The following ANKRD31 variants were observed in gnomAD, a reference collection of about 807,000 sequenced individuals.
ANKRD31 encodes ankyrin repeat domain-containing protein 31.
A neutral mutation model predicts 186.0 loss-of-function variants in ANKRD31; 147 were observed. The observed-to-expected ratio is 0.79, with a 90% CI of 0.69 to 0.91. The LOEUF (loss-of-function observed/expected upper bound fraction) is 0.91, where lower values mean the gene tolerates loss of function less well. Ranked by LOEUF, ANKRD31 falls within the 40% of genes least tolerant of loss-of-function variation. ANKRD31 has a pLI of 0.00. For synonymous variants in ANKRD31, 673 were observed against 736.4 expected (o/e 0.91, Z 1.39); for missense variants, 1,986 against 2,148.8 (o/e 0.92, Z 1.50).
At chr5:75,220,770 T>C (rs1757247004) in intron 3 of ANKRD31, among the ~76,000 whole-genome samples, 1 of 152,052 alleles carries the variant, frequency 6.6e-6, no homozygotes, top group East Asian at 1.9e-4. Context: ...ATCAATGAGA[T>C]ACCAGCTCAC....
chr5:75,093,822 A>G (rs1746118279), intron 22 of ANKRD31, among the ~76,000 whole-genome samples: 1 of 152,190 alleles, frequency 6.6e-6, no homozygotes, highest in African/African-American at 2.4e-5. Flanking sequence ...AAGGCAAAAT[A>G]AAGACATTCC....
At chr5:75,131,939 G>A (rs1218317978) in intron 17 of ANKRD31, among the ~76,000 whole-genome samples, 1 of 152,214 alleles carries the variant, frequency 6.6e-6, no homozygotes, top group Non-Finnish European at 1.5e-5. Flanking sequence ...CAGGCCTGCA[G>A]CTGAGGGTCC....
At position 75,147,423 on chromosome 5, in the gene ANKRD31, A is replaced by T; in HGVS notation, c.1988T>A (p.Val663Asp). ...SNRQKLEHVKVNKGSKASLFI... is the reference protein window; with the variant it reads ...SNRQKLEHVKDNKGSKASLFI... ...TAAACTCGCTTTGCTTCCTTTATTG[A>T]CTTTTACATGTTCCAGCTTCTGTCT... The change falls in exon 14 of 26, where the codon GTC (valine) becomes GAC (aspartate). Residue 663 changes from valine (V) to aspartate (D), a missense_variant. Transcript: ENST00000506364. 6 of 1,518,834 alleles carry T rather than the reference A, an allele frequency of 4.0e-6. No homozygotes were observed. The highest frequency in any genetic ancestry group is 5.3e-6 in the Non-Finnish European group (6 of 1,140,460). 94.1% of individuals were successfully genotyped at this position (1,518,834 alleles called of 1,614,324 possible).
chr5:75,209,458 C>CTTGAGGCCAGGAGT (rs2150284021), intron 4 of ANKRD31, among the ~76,000 whole-genome samples: 1 of 127,246 alleles, frequency 7.9e-6, no homozygotes, highest in Admixed American at 8.1e-5. Context: ...AGGTGGATCA[C>CTTGAGGCCAGGAGT]TTGAGGCCAG....
At chr5:75,084,552 T>C (rs1405612606) in intron 23 of ANKRD31, among the ~76,000 whole-genome samples, 178 bp from the exon 24 acceptor site, 1 of 152,238 alleles carries the variant, frequency 6.6e-6, no homozygotes, top group Admixed American at 6.5e-5. Flanking sequence ...AATGTTTTAT[T>C]GGAAAACAGT....
At position 75,193,338 on chromosome 5, in the gene ANKRD31, T is replaced by C; in HGVS notation, c.1271A>G (p.Asn424Ser). 1 of 1,536,722 alleles carries C rather than the reference T, an allele frequency of 6.5e-7. No individual in the cohort carries two copies. The highest frequency in any genetic ancestry group is 8.7e-7 in the Non-Finnish European group (1 of 1,146,620). Reference protein sequence around the residue: ...PKILGCEDLTNNNSSAQNFRM... With the variant: ...PKILGCEDLTSNNSSAQNFRM... ...GAAATTCTGAGCTGAAGAGTTATTATTTGTTAGGTCCTCACAGCCAAGGAT... is the reference window on the plus strand; with the variant it reads ...GAAATTCTGAGCTGAAGAGTTATTACTTGTTAGGTCCTCACAGCCAAGGAT... The change falls in exon 8 of 26, where the codon AAT becomes AGT. Residue 424 changes from asparagine to serine, a missense_variant. Asn to Ser is a conservative substitution (Grantham distance 46). Transcript: ENST00000506364.
At chr5:75,119,996 G>C (rs531023811) in intron 17 of ANKRD31, among the ~76,000 whole-genome samples, 2 of 152,130 alleles carry the variant, frequency 1.3e-5, no homozygotes, top group Admixed American at 6.5e-5. Context: ...ATTTTGGGGA[G>C]AAAAAAATGT....
At chr5:75,162,438 A>G (rs1249678552) in intron 11 of ANKRD31, among the ~76,000 whole-genome samples, 2 of 152,180 alleles carry the variant, frequency 1.3e-5, no homozygotes, top group African/African-American at 2.4e-5. Context: ...TCTACAAGGT[A>G]ACTAACTTGC....
intron 2 of ANKRD31, among the ~76,000 whole-genome samples, chr5:75,223,137 T>A (rs1355625091): frequency 6.6e-6 from 1 of 152,206 alleles, no homozygotes. Flanking sequence ...ATCACCATTC[T>A]GACAGGCATG....
At position 75,188,639 on chromosome 5, in the gene ANKRD31, T is replaced by G. The variant is rs1200008862; in HGVS notation, c.1418A>C (p.Lys473Thr). The change falls in exon 10 of 26, where the codon AAG becomes ACG. Residue 473 changes from lysine (K) to threonine (T), a missense_variant. Lys to Thr is a moderately conservative substitution (Grantham distance 78). Transcript: ENST00000506364. ...EQFSGKKEKM[K>T]VNKISLHSIN... ...GCTATGAAGAGATATTTTGTTCACC[T>G]TCATTTTTTCTGAAATGAGGGAATG... 7 of 1,527,020 alleles carry G rather than the reference T, an allele frequency of 4.6e-6. No individual in the cohort carries two copies. Among genetic ancestry groups the G allele is most frequent in the Non-Finnish European group, 6.1e-6 (7 of 1,143,720 alleles). 94.6% of individuals were successfully genotyped at this position (1,527,020 alleles called of 1,614,324 possible).
intron 17 of ANKRD31, among the ~76,000 whole-genome samples, chr5:75,118,747 A>G (rs1461454379): frequency 1.3e-5 from 2 of 152,198 alleles, no homozygotes; most frequent in Non-Finnish European, 2.9e-5. Context: ...AGTACCTAGT[A>G]GCTACTATAT....
intron 25 of ANKRD31, among the ~76,000 whole-genome samples, chr5:75,077,881 G>A (rs1300517259): frequency 2.1e-5 from 3 of 141,032 alleles, no homozygotes; most frequent in Admixed American, 1.5e-4. Flanking sequence ...GCAGTGAGCC[G>A]AGATAGCGCC....
At chr5:75,082,995 C>A (rs1048882260) in intron 24 of ANKRD31, among the ~76,000 whole-genome samples, 1 of 152,114 alleles carries the variant, frequency 6.6e-6, no homozygotes. Context: ...TATTGAGTAT[C>A]CTTAGTCCAA....
At chr5:75,135,071 G>A (rs576853003) in intron 17 of ANKRD31, among the ~76,000 whole-genome samples, 10 of 152,252 alleles carry the variant, frequency 6.6e-5, no homozygotes, top group African/African-American at 2.2e-4. Flanking sequence ...TACTGAATGG[G>A]CAAAAACTGG....
chr5:75,130,655 T>C (rs376364422), intron 17 of ANKRD31, among the ~76,000 whole-genome samples: 3 of 152,214 alleles, frequency 2.0e-5, no homozygotes, highest in South Asian at 2.1e-4. Flanking sequence ...AGAGTGCTGA[T>C]TGGTGCATTT....
intron 10 of ANKRD31, among the ~76,000 whole-genome samples, chr5:75,187,247 T>C (rs1465372216): frequency 6.6e-6 from 1 of 151,722 alleles, no homozygotes. Context: ...TGTAATTCTG[T>C]GGGATGTGGT....
chr5:75,140,286 A>AAAGGAAGGAAGGAAGG (rs55831869), intron 15 of ANKRD31, among the ~76,000 whole-genome samples: 7,326 of 140,838 alleles, frequency 0.052, 308 homozygotes, highest in Non-Finnish European at 0.076. Context: ...AGAGAGAAAG[A>AAAGGAAGGAAGGAAGG]AAGGAAGGAA....
Position 75,169,045 on chromosome 5 carries a change from A to G in ANKRD31, c.1641T>C (p.Asp547=). The G allele has an allele frequency of 6.5e-7, 1 of 1,536,822 alleles. No individual in the cohort carries two copies. Among genetic ancestry groups the G allele is most frequent in the East Asian group, 2.4e-5 (1 of 40,868 alleles). ...TASELLKGGA[D]VNIKGLYQIT... Reference sequence around the variant, plus strand: ...TCTGGTATAATCCTTTGATATTTACATCTGCTCCACCTTTTAATAGTTCAC... The same window carrying G: ...TCTGGTATAATCCTTTGATATTTACGTCTGCTCCACCTTTTAATAGTTCAC... The change falls in exon 11 of 26, where the codon GAT becomes GAC. Residue 547 remains aspartate, a synonymous_variant. Transcript: ENST00000506364.
At chr5:75,134,571 A>C (rs1241651070) in intron 17 of ANKRD31, among the ~76,000 whole-genome samples, 1 of 152,220 alleles carries the variant, frequency 6.6e-6, no homozygotes, top group Non-Finnish European at 1.5e-5. Context: ...TCACAGCTAA[A>C]TTCTACCAGA....
Sources: allele counts gnomAD v4.1 joint callset (sites outside exome capture counted in the v4.1 genomes callset), GRCh38; gene constraint gnomAD v4.1.1; transcripts MANE v1.5; gene names NCBI Gene and HGNC (gene_info 2026-07-23, HGNC 2026-07-21).